Variants in ATP6V0A2 observed in about 807,000 individuals in gnomAD.
The protein encoded by ATP6V0A2 is V-type proton ATPase 116 kDa subunit a 2.
In ATP6V0A2, 58 loss-of-function variants were observed where a neutral mutation model predicts 104.4. The observed-to-expected ratio is 0.56, with a 90% CI of 0.45 to 0.69. The LOEUF (loss-of-function observed/expected upper bound fraction) is 0.69, where lower values mean the gene tolerates loss of function less well. Ranked by LOEUF, ATP6V0A2 falls within the 30% of genes least tolerant of loss-of-function variation. The pLI is 0.00. For missense variants in ATP6V0A2, 938 were observed against 1,062.9 expected (o/e 0.88, Z 1.63); for synonymous variants, 376 against 397.9 (o/e 0.95, Z 0.65).
chr12:123,721,226 ACTG>A, intron 2 of ATP6V0A2: 1 of 145,664 alleles, frequency 6.9e-6, no homozygotes, highest in Non-Finnish European at 1.5e-5. Flanking sequence ...TGTTTTAATG[ACTG>A]AAACAAAAAA....
At chr12:123,722,504 T>TACTTATTTCATGTTG in intron 3 of ATP6V0A2, 56 bp downstream of exon 3, 5 of 994,944 alleles carry the variant, frequency 5.0e-6, no homozygotes, top group Non-Finnish European at 6.5e-6. Context: ...GCTGCTTACT[T>TACTTATTTCATGTTG]ACTTATTTCA....
At chr12:123,722,666 G>A (rs1012736675) in intron 3 of ATP6V0A2, among the ~76,000 whole-genome samples, 15 of 152,100 alleles carry the variant, frequency 9.9e-5, no homozygotes, top group South Asian at 2.1e-4. Flanking sequence ...CTTTTACAGT[G>A]TAAGGCATAT....
chr12:123,722,471 G>C (rs748799593), intron 3 of ATP6V0A2, 23 bp downstream of exon 3: 17 of 1,419,948 alleles, frequency 1.2e-5, no homozygotes, highest in Non-Finnish European at 1.7e-5. Context: ...TGACGAAGCT[G>C]GTTGCAGCCA....
In ATP6V0A2 at chr12:123,722,396, A is replaced by C. The variant is rs1169678333; in HGVS notation, c.242A>C (p.Glu81Ala). ...EINRADIPLP[E>A]GEASPPAPPL... Reference sequence around the variant, plus strand: ...AATAGAGCTGATATTCCCCTTCCTGAAGGAGAGGCCAGCCCTCCTGCGCCA... The same window carrying C: ...AATAGAGCTGATATTCCCCTTCCTGCAGGAGAGGCCAGCCCTCCTGCGCCA... Residue 81 changes from glutamate (E) to alanine (A), a missense_variant, in exon 3 of 20, where the codon GAA (glutamate) becomes GCA (alanine). Coordinates refer to ENST00000330342, the MANE Select transcript of ATP6V0A2 (RefSeq NM_012463.4). The C allele has an allele frequency of 6.2e-7, 1 of 1,613,300 alleles. No individual in the cohort carries two copies. The highest frequency in any genetic ancestry group is 8.5e-7 in the Non-Finnish European group (1 of 1,179,238).
At chr12:123,745,671 A>T (rs1460195482) in intron 13 of ATP6V0A2, among the ~76,000 whole-genome samples, 1 of 150,540 alleles carries the variant, frequency 6.6e-6, no homozygotes, top group Non-Finnish European at 1.5e-5. Flanking sequence ...GTGCCATTGC[A>T]CTCCAGCCTG....
intron 2 of ATP6V0A2, among the ~76,000 whole-genome samples, chr12:123,721,849 G>C (rs1956402966): frequency 6.6e-6 from 1 of 152,188 alleles, no homozygotes; most frequent in African/African-American, 2.4e-5. Context: ...TTTCTTGTTG[G>C]ACTGATGGAT....
rs556501549 is a variant in ATP6V0A2 at position 123,715,235 on chromosome 12, T to G, written c.117+2553T>G. Among the ~76,000 whole-genome samples, 3 of 152,200 alleles carry G rather than the reference T, an allele frequency of 2.0e-5. No individual in the cohort carries two copies. The South Asian group carries it at 6.2e-4, about 32-fold the overall frequency. ...TTTAGAGTTAAGTACTATTTGATAT[T>G]GAAGGAAGAAAATGAAAGCTGAGAA... is the stretch of plus-strand genomic sequence containing the variant. On this transcript the variant is annotated intron_variant, in intron 1 of 19. Coordinates refer to ENST00000330342, the MANE Select transcript of ATP6V0A2 (RefSeq NM_012463.4).
At chr12:123,730,146 C>T (rs1956488405) in intron 6 of ATP6V0A2, among the ~76,000 whole-genome samples, 1 of 150,714 alleles carries the variant, frequency 6.6e-6, no homozygotes, top group Non-Finnish European at 1.5e-5. Flanking sequence ...GCTCCGCCTC[C>T]TGGGTTCACG....
In ATP6V0A2 at chr12:123,735,541, C is replaced by T. The variant is rs896574602; in HGVS notation, c.742C>T (p.His248Tyr). The T allele has an allele frequency of 6.2e-7, 1 of 1,613,920 alleles. No individual in the cohort carries two copies. Among genetic ancestry groups the T allele is most frequent in the Non-Finnish European group, 8.5e-7 (1 of 1,179,868 alleles). ...VKKICDCYHC[H>Y]VYPYPNTAEE... ...ACTCTTGTCTTCCAGCTACCACTGC[C>T]ACGTGTACCCCTATCCAAACACAGC... The change falls in exon 8 of 20, where the codon CAC (histidine) becomes TAC (tyrosine). Residue 248 changes from histidine to tyrosine, a missense_variant. Coordinates refer to ENST00000330342, the MANE Select transcript of ATP6V0A2 (RefSeq NM_012463.4).
chr12:123,737,573 T>G (rs1956567751), intron 9 of ATP6V0A2: 1 of 382,616 alleles, frequency 2.6e-6, no homozygotes, highest in East Asian at 6.2e-5. Flanking sequence ...GAACTGAAAT[T>G]ATGGTGAGCT....
At position 123,724,310 on chromosome 12, in the gene ATP6V0A2, G is replaced by A. The variant is rs1014339562; in HGVS notation, c.295-344G>A. 2.1e-5 allele frequency: 5 copies of A among 233,668 alleles called. No individual in the cohort carries two copies. In the Admixed American group the frequency reaches 2.7e-4, roughly 12 times the overall value. The allele number at this position is 233,668 out of a possible 1,614,324, so 14.5% of individuals were successfully genotyped here. A position where few individuals can be genotyped will look rare whatever the true frequency, so the allele number is the denominator to read the frequency against. ...AGGCCGAGGCGGGTGGATTACCTGA[G>A]GTCAAGAGTTCAAGACCAGCCTGGC... On this transcript the variant is annotated intron_variant, in intron 3 of 19. Coordinates refer to ENST00000330342, the MANE Select transcript of ATP6V0A2 (RefSeq NM_012463.4).
chr12:123,730,044 CTTTTTTT>C (rs776847603), intron 6 of ATP6V0A2, among the ~76,000 whole-genome samples: 1 of 70,286 alleles, frequency 1.4e-5, no homozygotes, highest in African/African-American at 6.3e-5. Context: ...GGAGTTAGGT[CTTTTTTT>C]TTTTTTTTTT....
At chr12:123,727,955 C>T (rs1277236090) in intron 6 of ATP6V0A2, 46 bp downstream of exon 6, 1 of 1,613,174 alleles carries the variant, frequency 6.2e-7, no homozygotes, top group Non-Finnish European at 8.5e-7. Flanking sequence ...GGACTAACAG[C>T]AGAGTTGGAG....
chr12:123,729,698 T>G (rs1956482722), intron 6 of ATP6V0A2, among the ~76,000 whole-genome samples: 1 of 152,174 alleles, frequency 6.6e-6, no homozygotes, highest in African/African-American at 2.4e-5. Context: ...TTTTCTTAAT[T>G]TTGAGGAAAG....
chr12:123,715,180 A>T (rs1186372202), intron 1 of ATP6V0A2, among the ~76,000 whole-genome samples: 1 of 152,236 alleles, frequency 6.6e-6, no homozygotes, highest in Non-Finnish European at 1.5e-5. Flanking sequence ...ATAAATAAAG[A>T]TTCTACTATT....
chr12:123,728,920 G>T (rs985040065), intron 6 of ATP6V0A2, among the ~76,000 whole-genome samples: 46 of 147,016 alleles, frequency 3.1e-4, no homozygotes, highest in African/African-American at 9.5e-4. Context: ...CTGATCACTT[G>T]ATTAGTTCCA....
chr12:123,745,584 T>C (rs994166223), intron 13 of ATP6V0A2, among the ~76,000 whole-genome samples: 1 of 151,962 alleles, frequency 6.6e-6, no homozygotes, highest in Admixed American at 6.6e-5. Context: ...CTGGCGCCTG[T>C]AGTCCCAGCT....
rs1956645925 is a variant in ATP6V0A2, at chr12:123,744,903, C to T, written c.1536C>T (p.Asn512=). 1.2e-6 allele frequency: 2 copies of T among 1,614,208 alleles called. No individual in the cohort carries two copies. Among genetic ancestry groups the T allele is most frequent in the African/African-American group, 1.3e-5 (1 of 75,060 alleles). The change falls in exon 13 of 20, where the codon AAC becomes AAT. Residue 512 remains asparagine, a synonymous_variant. Coordinates refer to ENST00000330342, the MANE Select transcript of ATP6V0A2 (RefSeq NM_012463.4). The surrounding 1 kb of genome is among the most constrained non-coding windows in gnomAD (Gnocchi z 5.4). ...VLWNDSVVRH[N]SILQLDPSIP... ...ACAGTGACAGCGTCGTTAGACACAA[C>T]AGCATTTTGCAGCTGGATCCAAGCA...
chr12:123,719,897 C>G (rs926312150), intron 2 of ATP6V0A2, among the ~76,000 whole-genome samples: 1 of 152,164 alleles, frequency 6.6e-6, no homozygotes, highest in African/African-American at 2.4e-5. Context: ...CTGTAAAGGT[C>G]ACAAGGTGAT....
Sources: gnomAD v4.1 joint callset for allele counts (sites outside exome capture counted in the v4.1 genomes callset) on GRCh38, gnomAD v4.1.1 for gene constraint, Gnocchi (gnomAD v3.1) non-coding constraint, MANE v1.5 for transcripts, NCBI Gene and HGNC (gene_info 2026-07-23, HGNC 2026-07-21) for gene names.